The following CLSTN2 variants were observed in gnomAD, a reference collection of about 807,000 sequenced individuals.
CLSTN2 encodes the protein calsyntenin 2, also known as calsyntenin-2.
Under a neutral mutation model 101.2 loss-of-function variants are expected in CLSTN2, and 48 were observed. The observed-to-expected ratio is 0.47, with a 90% CI of 0.38 to 0.60. CLSTN2 has a LOEUF of 0.60. Among genes scored for constraint, CLSTN2 ranks in the 20% least tolerant of loss-of-function variants. CLSTN2 has a pLI of 0.00. For synonymous variants in CLSTN2, 481 were observed against 463.6 expected, an observed-to-expected ratio of 1.04 and a Z score of -0.48; for missense variants, 1,160 against 1,238.2, an observed-to-expected ratio of 0.94 and a Z score of 0.95.
At chr3:140,444,606 T>C in intron 5 of CLSTN2, among the ~76,000 whole-genome samples, 1 of 152,230 alleles carries the variant, frequency 6.6e-6, no homozygotes, top group East Asian at 1.9e-4. Flanking sequence ...TTTCCTCTTA[T>C]GTCTTGCAAT....
intron 1 of CLSTN2, among the ~76,000 whole-genome samples, chr3:139,992,526 C>T (rs1936132404): frequency 6.6e-6 from 1 of 152,194 alleles, no homozygotes; most frequent in Non-Finnish European, 1.5e-5. Flanking sequence ...GCTATTTTTC[C>T]TGTAGGCAAA....
chr3:140,153,697 T>C (rs2009905252), intron 1 of CLSTN2, among the ~76,000 whole-genome samples: 1 of 152,244 alleles, frequency 6.6e-6, no homozygotes, highest in African/African-American at 2.4e-5. Flanking sequence ...TCTCAAATTC[T>C]CTTTGCACAA....
intron 2 of CLSTN2, among the ~76,000 whole-genome samples, chr3:140,279,927 T>TAAGCCATC (rs1482342179): frequency 6.6e-6 from 1 of 152,164 alleles, no homozygotes; most frequent in Non-Finnish European, 1.5e-5. Flanking sequence ...AGGTGCACAA[T>TAAGCCATC]AAGCCATCAC....
chr3:140,078,285 T>C (rs6782305), intron 1 of CLSTN2, among the ~76,000 whole-genome samples: 6,290 of 152,244 alleles, frequency 0.041, 426 homozygotes, highest in African/African-American at 0.14. Flanking sequence ...ACTAGCTCCT[T>C]CTGGTTAATT....
chr3:140,560,855 A>G (rs1935898159), intron 12 of CLSTN2, among the ~76,000 whole-genome samples: 1 of 152,226 alleles, frequency 6.6e-6, no homozygotes, highest in South Asian at 2.1e-4. Context: ...ATTGAAATAA[A>G]GATGCACATA....
chr3:140,465,039 C>G (rs1477640890), intron 7 of CLSTN2, among the ~76,000 whole-genome samples: 1 of 152,198 alleles, frequency 6.6e-6, no homozygotes, highest in Admixed American at 6.5e-5. Context: ...CAGATGCATT[C>G]CACACATTTC....
At chr3:140,224,910 A>G (rs905268860) in intron 2 of CLSTN2, among the ~76,000 whole-genome samples, 1 of 152,196 alleles carries the variant, frequency 6.6e-6, no homozygotes, top group Admixed American at 6.5e-5. Context: ...TCCACAATAT[A>G]AGAAGAAATA....
At chr3:140,371,802 T>C (rs947827096) in intron 2 of CLSTN2, among the ~76,000 whole-genome samples, 2 of 152,222 alleles carry the variant, frequency 1.3e-5, no homozygotes, top group African/African-American at 2.4e-5. Flanking sequence ...GTCTGGAAGC[T>C]TCACATTAAA....
chr3:140,146,702 A>G (rs2009785659), intron 1 of CLSTN2, among the ~76,000 whole-genome samples: 3 of 152,242 alleles, frequency 2.0e-5, no homozygotes, highest in African/African-American at 7.2e-5. Flanking sequence ...AAAAGTTTTC[A>G]TGTGCCTAGG....
At chr3:140,229,325 C>T (rs1242685622) in intron 2 of CLSTN2, among the ~76,000 whole-genome samples, 1 of 152,108 alleles carries the variant, frequency 6.6e-6, no homozygotes, top group Non-Finnish European at 1.5e-5. Context: ...CTGTTTATAC[C>T]AATGCTTCAT....
intron 1 of CLSTN2, among the ~76,000 whole-genome samples, chr3:140,122,010 G>C (rs1003986673): frequency 6.6e-6 from 1 of 152,116 alleles, no homozygotes; most frequent in Non-Finnish European, 1.5e-5. Flanking sequence ...ATAGCTTTAG[G>C]GGGAGTGAAA....
intron 2 of CLSTN2, among the ~76,000 whole-genome samples, chr3:140,238,617 C>T (rs892618874): frequency 3.9e-5 from 6 of 152,072 alleles, no homozygotes; most frequent in Admixed American, 6.6e-5. Flanking sequence ...AAAAGAAGAA[C>T]ATTTGGCCCA....
intron 2 of CLSTN2, among the ~76,000 whole-genome samples, chr3:140,333,063 T>C (rs534659209): frequency 6.6e-6 from 1 of 152,312 alleles, no homozygotes; most frequent in South Asian, 2.1e-4. Context: ...TGTAAGTACC[T>C]GGCCCAGAGC....
At chr3:140,561,164 CTTAT>C (rs915716402) in intron 12 of CLSTN2, among the ~76,000 whole-genome samples, 42 of 151,916 alleles carry the variant, frequency 2.8e-4, no homozygotes, top group Middle Eastern at 3.4e-3. Context: ...AATAAATATA[CTTAT>C]TTAAATTATC....
intron 6 of CLSTN2, chr3:140,454,657 C>T (rs1933351034): frequency 6.6e-6 from 1 of 152,148 alleles, no homozygotes; most frequent in Non-Finnish European, 1.5e-5. Context: ...TCATTCTTAC[C>T]ACATGTCCTT....
chr3:140,436,158 C>A (rs1157716069), intron 5 of CLSTN2, among the ~76,000 whole-genome samples: 1 of 152,218 alleles, frequency 6.6e-6, no homozygotes. Context: ...TTTGCCCAGA[C>A]TAATCAGTGT....
intron 2 of CLSTN2, among the ~76,000 whole-genome samples, chr3:140,217,679 G>A (rs1168962377): frequency 2.6e-5 from 4 of 152,204 alleles, no homozygotes; most frequent in Non-Finnish European, 5.9e-5. Context: ...TGGCATATAT[G>A]ACACATTTCT....
intron 1 of CLSTN2, among the ~76,000 whole-genome samples, chr3:140,099,387 C>G (rs1294636870): frequency 6.6e-6 from 1 of 152,064 alleles, no homozygotes; most frequent in Non-Finnish European, 1.5e-5. Flanking sequence ...ATCTTTGCCT[C>G]CATCTTCACA....
chr3:140,190,438 C>CAAAAA (rs35206840), intron 2 of CLSTN2, among the ~76,000 whole-genome samples: 9 of 82,924 alleles, frequency 1.1e-4, no homozygotes, highest in African/African-American at 2.0e-4. Flanking sequence ...TCTATAGCTA[C>CAAAAA]AAAAAAAAAA....
Sources: allele counts gnomAD v4.1 joint callset (sites outside exome capture counted in the v4.1 genomes callset), GRCh38; gene constraint gnomAD v4.1.1; transcripts MANE v1.5; gene names NCBI Gene and HGNC (gene_info 2026-07-23, HGNC 2026-07-21).